ESS2: variants seen among roughly 807,000 people sequenced by gnomAD.
ESS2 encodes ess-2 spliceosome associated protein, also known as splicing factor ESS-2 homolog.
A neutral mutation model predicts 52.0 loss-of-function variants in ESS2; 31 were observed. That is an observed-to-expected ratio of 0.60 (90% CI 0.45 to 0.81). The LOEUF (loss-of-function observed/expected upper bound fraction) is 0.81, where lower values mean the gene tolerates loss of function less well. Ranked by LOEUF, ESS2 falls within the 30% of genes least tolerant of loss-of-function variation. The probability of loss-of-function intolerance (pLI) is 0.00; values close to 1 mark genes in which losing one functional copy is unlikely to be tolerated. For synonymous variants in ESS2, 285 were observed against 259.2 expected (o/e 1.10, Z -0.95); for missense variants, 602 against 637.2 (o/e 0.94, Z 0.59).
intron 1 of ESS2, among the ~76,000 whole-genome samples, chr22:19,143,216 A>AAG (rs986220360): frequency 1.5e-4 from 23 of 150,972 alleles, no homozygotes; most frequent in Non-Finnish European, 2.7e-4. Context: ...AAAAAAAAAA[A>AAG]AAAAGAAAAA....
Position 19,139,461 on chromosome 22 carries a change from C to T in ESS2, c.688+151G>A. On this transcript the variant is annotated intron_variant, in intron 5 of 9. Transcript: ENST00000252137. ...TCACTCACTGCTGACCTCACACAGA[C>T]CTGTCCACCCTTAGACAGACCAGTA... 4 of 1,196,520 alleles carry T rather than the reference C, an allele frequency of 3.3e-6. No individual in the cohort carries two copies. In the South Asian group the frequency reaches 5.5e-5, roughly 16 times the overall value. 74.1% of individuals were successfully genotyped at this position (1,196,520 alleles called of 1,614,324 possible). A position where few individuals can be genotyped will look rare whatever the true frequency, so the allele number is the denominator to read the frequency against.
intron 3 of ESS2, among the ~76,000 whole-genome samples, chr22:19,141,997 T>A (rs807754): frequency 1 from 152,362 of 152,364 alleles, 76,180 homozygotes; most frequent in Non-Finnish European, 1. Flanking sequence ...GTCAAAAAAT[T>A]AAAAATAAAA....
At chr22:19,139,104 C>G in intron 6 of ESS2, 55 bp downstream of exon 6, 3 of 1,538,498 alleles carry the variant, frequency 1.9e-6, no homozygotes, top group Admixed American at 2.0e-5. Flanking sequence ...CATGCCTGCC[C>G]CCAGGCAGCC....
Position 19,144,625 on chromosome 22 carries a change from C to G in ESS2, c.16G>C (p.Ala6Pro), listed in dbSNP as rs1200030269. 2.6e-6 allele frequency: 4 copies of G among 1,532,860 alleles called. No individual in the cohort carries two copies. The highest frequency in any genetic ancestry group is 2.5e-5 in the East Asian group (1 of 40,252). 95.0% of individuals were successfully genotyped at this position (1,532,860 alleles called of 1,614,324 possible). A position where few individuals can be genotyped will look rare whatever the true frequency, so the allele number is the denominator to read the frequency against. The change falls in exon 1 of 10, where the codon GCA (alanine) becomes CCA (proline). Residue 6 changes from alanine to proline, a missense_variant. Coordinates refer to ENST00000252137, the MANE Select transcript of ESS2 (RefSeq NM_022719.3). ...GGAAGCAACAAGGACGACGCTGATG[C>G]GCCCGGCGTCTCCATCGCTATCCCA... METPG[A>P]SASSLLLPAA...
rs189604080 is a variant in ESS2 at position 19,142,111 on chromosome 22, A to G, written c.400+427T>C. On this transcript the variant is annotated intron_variant, in intron 3 of 9. Coordinates refer to ENST00000252137, the MANE Select transcript of ESS2 (RefSeq NM_022719.3). ...GACTTCACACTGGCAGGTCAAGAAA[A>G]GTTTCTCTGAACAGGTAACACCTAT... Among the ~76,000 whole-genome samples the G allele has an allele frequency of 3.9e-3, 587 of 152,386 alleles. 1 individual carries two copies. Among genetic ancestry groups the G allele is most frequent in the African/African-American group, 0.013 (552 of 41,600 alleles).
chr22:19,132,552 A>G lies in ESS2; in HGVS notation c.*1644T>C, dbSNP rs954512740. 44 of 1,422,850 alleles carry G rather than the reference A, an allele frequency of 3.1e-5. No individual in the cohort carries two copies. Among genetic ancestry groups the G allele is most frequent in the Non-Finnish European group, 4.2e-5 (44 of 1,041,962 alleles). The allele number at this position is 1,422,850 out of a possible 1,614,324, so 88.1% of individuals were successfully genotyped here. On this transcript the variant is annotated 3_prime_UTR_variant, in exon 10 of 10. Coordinates refer to ENST00000252137, the MANE Select transcript of ESS2 (RefSeq NM_022719.3). This position sits in a 1 kb window ranked among gnomAD's most constrained non-coding sequence, Gnocchi z 4.2. ...GTGCAGTCGGCCTTCACGTAAACTA[A>G]GTAGGCAGGTAGGATCTGAAGAAGG...
At chr22:19,142,496 G>C (rs748731920) in intron 3 of ESS2, 42 bp downstream of exon 3, 2 of 1,537,370 alleles carry the variant, frequency 1.3e-6, no homozygotes, top group African/African-American at 1.4e-5. Context: ...AGATTCCCAG[G>C]CAATCCTGAC....
rs2083521329 is a variant in ESS2 at position 19,132,561 on chromosome 22, G to A, written c.*1635C>T. The A allele has an allele frequency of 7.3e-7, 1 of 1,374,426 alleles. No homozygotes were observed. Among genetic ancestry groups the A allele is most frequent in the South Asian group, 1.4e-5 (1 of 72,718 alleles). The allele number at this position is 1,374,426 out of a possible 1,614,324, so 85.1% of individuals were successfully genotyped here. A position where few individuals can be genotyped will look rare whatever the true frequency, so the allele number is the denominator to read the frequency against. The stretch of plus-strand genomic sequence containing the variant: ...GCCTTCACGTAAACTAAGTAGGCAG[G>A]TAGGATCTGAAGAAGGCACAGGTGC... On this transcript the variant is annotated 3_prime_UTR_variant, in exon 10 of 10. Transcript: ENST00000252137. The surrounding 1 kb of genome is among the most constrained non-coding windows in gnomAD (Gnocchi z 4.2).
At position 19,138,307 on chromosome 22, in the gene ESS2, C is replaced by G; in HGVS notation, c.833G>C (p.Gly278Ala). Residue 278 changes from glycine (G) to alanine (A), a missense_variant, in exon 7 of 10, where the codon GGC becomes GCC. Physicochemically the swap from Gly to Ala is moderately conservative, Grantham distance 60. Coordinates refer to ENST00000252137, the MANE Select transcript of ESS2 (RefSeq NM_022719.3). ...CTCCTTGCCATCGGGGCCCACCTTG[C>G]CCTGTTTGTGCTGGAACAAGCAGAG... ...AAALNAQHKQ[G>A]KVGPDGKELI... 6.2e-7 allele frequency: 1 copy of G among 1,613,788 alleles called. No individual in the cohort carries two copies. Among genetic ancestry groups the G allele is most frequent in the Non-Finnish European group, 8.5e-7 (1 of 1,179,856 alleles).
Position 19,132,375 on chromosome 22 carries a change from G to A in ESS2, c.*1821C>T. 1 of 1,613,198 alleles carries A rather than the reference G, an allele frequency of 6.2e-7. No individual in the cohort carries two copies. The highest frequency in any genetic ancestry group is 1.3e-5 in the African/African-American group (1 of 75,026). ...CAAAACCCAGCACCGGCTGCTGGTG[G>A]TGCCCGAGAACGAGAACAGGATGGA... On this transcript the variant is annotated 3_prime_UTR_variant, in exon 10 of 10. Transcript: ENST00000252137. The surrounding 1 kb of genome is among the most constrained non-coding windows in gnomAD (Gnocchi z 4.2).
chr22:19,134,227 G>A lies in ESS2; in HGVS notation c.1400C>T (p.Pro467Leu). 6.5e-7 allele frequency: 1 copy of A among 1,534,530 alleles called. No homozygotes were observed. Residue 467 changes from proline (P) to leucine (L), a missense_variant, in exon 10 of 10, where the codon CCT (proline) becomes CTT (leucine). Physicochemically the swap from Pro to Leu is moderately conservative, Grantham distance 98. Coordinates refer to ENST00000252137, the MANE Select transcript of ESS2 (RefSeq NM_022719.3). ...ASITDNLLQL[P>L]ARRKASDFF is the part of the protein sequence containing the mutation. ...GAAGTCCGAAGCTTTGCGCCGGGCA[G>A]GGAGCTGCAGCAGGTTGTCCGTGAT...
At chr22:19,141,502 A>G (rs2083685567) in intron 3 of ESS2, among the ~76,000 whole-genome samples, 2 of 152,202 alleles carry the variant, frequency 1.3e-5, no homozygotes, top group Admixed American at 1.3e-4. Flanking sequence ...TACCATATAG[A>G]GCTGTGTGTC....
rs1228574688 is a variant in ESS2 at position 19,131,691 on chromosome 22, C to T, written c.*2505G>A. 6.2e-7 allele frequency: 1 copy of T among 1,614,094 alleles called. No individual in the cohort carries two copies. The highest frequency in any genetic ancestry group is 1.1e-5 in the South Asian group (1 of 91,072). On this transcript the variant is annotated 3_prime_UTR_variant, in exon 10 of 10. Transcript: ENST00000252137. This position sits in a 1 kb window ranked among gnomAD's most constrained non-coding sequence, Gnocchi z 5.7. ...CATGGAGCTTGGCGTCCAGGGCGACCTCCTCGAGTTCATCAAGTGCCAGGG... is the reference window on the plus strand; with the variant it reads ...CATGGAGCTTGGCGTCCAGGGCGACTTCCTCGAGTTCATCAAGTGCCAGGG...
Position 19,131,290 on chromosome 22 carries a change from G to A in ESS2, c.*2906C>T. ...TGTTCCACCCCTGAGTCGAAGCCCA[G>A]CCCAGGGCAGCCCAGCCAGACGCCT... On this transcript the variant is annotated 3_prime_UTR_variant, in exon 10 of 10. Transcript: ENST00000252137. The surrounding 1 kb of genome is among the most constrained non-coding windows in gnomAD (Gnocchi z 5.7). 1.0e-6 allele frequency: 1 copy of A among 956,370 alleles called. No individual in the cohort carries two copies. The highest frequency in any genetic ancestry group is 1.6e-5 in the African/African-American group (1 of 60,840). The allele number at this position is 956,370 out of a possible 1,614,324, so 59.2% of individuals were successfully genotyped here.
Position 19,130,609 on chromosome 22 carries a change from T to C in ESS2, c.*3587A>G, listed in dbSNP as rs1227955016. The stretch of plus-strand genomic sequence containing the variant: ...TGCCTTAGACTATCCAATTGATCTA[T>C]TCAAACAGCTGCCTGTTCCCTTAAC... On this transcript the variant is annotated 3_prime_UTR_variant, in exon 10 of 10. Transcript: ENST00000252137. 7.8e-6 allele frequency: 3 copies of C among 383,020 alleles called. No individual in the cohort carries two copies. Among genetic ancestry groups the C allele is most frequent in the African/African-American group, 2.1e-5 (1 of 46,614 alleles). The allele number at this position is 383,020 out of a possible 1,614,324, so 23.7% of individuals were successfully genotyped here. A position where few individuals can be genotyped will look rare whatever the true frequency, so the allele number is the denominator to read the frequency against.
chr22:19,136,121 C>T (rs989235885), intron 8 of ESS2, among the ~76,000 whole-genome samples: 5 of 151,018 alleles, frequency 3.3e-5, no homozygotes, highest in African/African-American at 7.3e-5. Flanking sequence ...GGGTGGATCA[C>T]GAGGTCAGGA....
At chr22:19,142,004 A>G (rs541911717) in intron 3 of ESS2, among the ~76,000 whole-genome samples, 5 of 152,334 alleles carry the variant, frequency 3.3e-5, no homozygotes, top group African/African-American at 1.2e-4. Flanking sequence ...AATTAAAAAT[A>G]AAATGAAATT....
At position 19,144,635 on chromosome 22, in the gene ESS2, C is replaced by G. The variant is rs1302025516; in HGVS notation, c.6G>C (p.Glu2Asp). 2.6e-6 allele frequency: 4 copies of G among 1,521,850 alleles called. No individual in the cohort carries two copies. Among genetic ancestry groups the G allele is most frequent in the Admixed American group, 4.2e-5 (2 of 47,974 alleles). 94.3% of individuals were successfully genotyped at this position (1,521,850 alleles called of 1,614,324 possible). Residue 2 changes from glutamate (E) to aspartate (D), a missense_variant, in exon 1 of 10, where the codon GAG (glutamate) becomes GAC (aspartate). Transcript: ENST00000252137. M[E>D]TPGASASSLL... ...AGGACGACGCTGATGCGCCCGGCGT[C>G]TCCATCGCTATCCCAGGAAAAAGCT...
chr22:19,138,014 G>A (rs1012897042), intron 7 of ESS2: 46 of 985,410 alleles, frequency 4.7e-5, no homozygotes, highest in Admixed American at 6.1e-5. Flanking sequence ...GTCTGCCTGA[G>A]AGTCCAGCCC....
Sources: gnomAD v4.1 joint callset for allele counts (sites outside exome capture counted in the v4.1 genomes callset) on GRCh38, gnomAD v4.1.1 for gene constraint, Gnocchi (gnomAD v3.1) non-coding constraint, MANE v1.5 for transcripts, NCBI Gene and HGNC (gene_info 2026-07-23, HGNC 2026-07-21) for gene names.